Variants in XPC observed in about 807,000 individuals in gnomAD.
XPC encodes DNA repair protein complementing XP-C cells.
XPC carries 76 observed loss-of-function variants against 95.8 expected under a neutral mutation model. The ratio of observed to expected loss-of-function variants is 0.79; its 90% CI spans 0.66 to 0.96. XPC has a LOEUF of 0.96. Ranked by LOEUF, XPC falls within the 40% of genes least tolerant of loss-of-function variation. XPC has a pLI of 0.00. For missense variants in XPC, 1,146 were observed against 1,179.8 expected (o/e 0.97, Z 0.42); for synonymous variants, 442 against 442.1 (o/e 1.00, Z 0.00).
intron 1 of XPC, among the ~76,000 whole-genome samples, chr3:14,175,216 C>G (rs1471333945): frequency 6.6e-6 from 1 of 152,120 alleles, no homozygotes; most frequent in African/African-American, 2.4e-5. Context: ...ACTCTTTTCC[C>G]CAGAACTTCC....
In XPC at chr3:14,159,944, G is replaced by C. The variant is rs1696103350; in HGVS notation, c.901-114C>G. 2.8e-6 allele frequency: 3 copies of C among 1,063,436 alleles called. No individual in the cohort carries two copies. In the Admixed American group the frequency reaches 6.5e-5, roughly 23 times the overall value. The allele number at this position is 1,063,436 out of a possible 1,614,324, so 65.9% of individuals were successfully genotyped here. ...GACAGGGAAAAGCTGGAAACAGCCA[G>C]ACTGTCTAACAGTAGGCGACGGAAA... On this transcript the variant is annotated intron_variant, in intron 7 of 15. Coordinates refer to ENST00000285021, the MANE Select transcript of XPC (RefSeq NM_004628.5).
Position 14,172,506 on chromosome 3 carries a change from G to A in XPC, c.299+361C>T, listed in dbSNP as rs746182640. Among the ~76,000 whole-genome samples the A allele has an allele frequency of 2.6e-5, 4 of 152,172 alleles. 1 individual carries two copies. Among genetic ancestry groups the A allele is most frequent in the Admixed American group, 1.3e-4 (2 of 15,280 alleles). ...GAATGATGAGAAGCTCAGGTGGGCC[G>A]GAGAAGAGCGTGCTTGAGGACAGTA... is the stretch of plus-strand genomic sequence containing the variant. On this transcript the variant is annotated intron_variant, in intron 2 of 15. Transcript: ENST00000285021.
chr3:14,174,164 T>C (rs2125047507), intron 1 of XPC, among the ~76,000 whole-genome samples: 1 of 152,342 alleles, frequency 6.6e-6, no homozygotes, highest in African/African-American at 2.4e-5. Flanking sequence ...TTTCTTTAAA[T>C]GTTTTATAAA....
At chr3:14,170,363 A>G in intron 3 of XPC, 75 bp downstream of exon 3, 1 of 1,374,984 alleles carries the variant, frequency 7.3e-7, no homozygotes, top group Non-Finnish European at 1.0e-6. Context: ...GCAATTAGTG[A>G]TCTGACTCCA....
chr3:14,158,121 C>G lies in XPC; in HGVS notation c.1762G>C (p.Val588Leu). The G allele has an allele frequency of 6.2e-7, 1 of 1,614,018 alleles. No individual in the cohort carries two copies. The highest frequency in any genetic ancestry group is 8.5e-7 in the Non-Finnish European group (1 of 1,179,902). The change falls in exon 9 of 16, where the codon GTC becomes CTC. Residue 588 changes from valine to leucine, a missense_variant. Coordinates refer to ENST00000285021, the MANE Select transcript of XPC (RefSeq NM_004628.5). This position sits in a 1 kb window ranked among gnomAD's most constrained non-coding sequence, Gnocchi z 5.2. ...CACTTGCGGGTCACTGTCATCCAGA[C>G]TGGGTCGTACCTCTGTGTGACATCT... ...VRDVTQRYDP[V>L]WMTVTRKCRV...
chr3:14,164,828 A>G lies in XPC; in HGVS notation c.885T>C (p.Asp295=), dbSNP rs796070665. Residue 295 remains aspartate (D), a synonymous_variant, in exon 7 of 16, where the codon GAT becomes GAC. Coordinates refer to ENST00000285021, the MANE Select transcript of XPC (RefSeq NM_004628.5). ...GATCACTTACATGGACCAATTCCTC[A>G]TCATCTCGAGCAGAGTAAATAGCAA... is the stretch of plus-strand genomic sequence containing the variant. The part of the protein sequence containing the change: ...RRFAIYSARD[D]EELVHIFLLI... 4 of 1,613,394 alleles carry G rather than the reference A, an allele frequency of 2.5e-6. No individual in the cohort carries two copies. The highest frequency in any genetic ancestry group is 1.7e-5 in the Admixed American group (1 of 59,930).
intron 2 of XPC, 141 bp downstream of exon 2, chr3:14,172,726 C>A (rs1226546454): frequency 1.1e-6 from 1 of 919,362 alleles, no homozygotes; most frequent in Admixed American, 3.3e-5. Flanking sequence ...CAGCTCTTAC[C>A]GGTCTGAGTT....
chr3:14,178,599 A>G lies in XPC; in HGVS notation c.-31T>C. The G allele has an allele frequency of 6.2e-7, 1 of 1,611,648 alleles. No individual in the cohort carries two copies. Among genetic ancestry groups the G allele is most frequent in the Non-Finnish European group, 8.5e-7 (1 of 1,178,930 alleles). On this transcript the variant is annotated 5_prime_UTR_variant, in exon 1 of 16. Transcript: ENST00000285021. Reference sequence around the variant, plus strand: ...TTGTCTGGGCAAATTCCACTTCGCGAGTGACGCACCCGGCCGCGATGCGCT... The same window carrying G: ...TTGTCTGGGCAAATTCCACTTCGCGGGTGACGCACCCGGCCGCGATGCGCT...
intron 11 of XPC, among the ~76,000 whole-genome samples, chr3:14,150,490 T>C (rs182790872): frequency 1.4e-4 from 22 of 152,354 alleles, no homozygotes; most frequent in Non-Finnish European, 2.6e-4. Context: ...ACAGAGGGAC[T>C]CTGAGTTCTG....
At position 14,148,638 on chromosome 3, in the gene XPC, C is replaced by A. The variant is rs370753746; in HGVS notation, c.2344G>T (p.Val782Leu). ...CAGTCGATGTCCAGCTTGCGGGCCA[C>A]GCGGTGTAGATTGGGCAGGTTCAGC... ...VQLNLPNLHRVARKLDIDCVQ... is the reference protein window; with the variant it reads ...VQLNLPNLHRLARKLDIDCVQ... Residue 782 changes from valine (V) to leucine (L), a missense_variant, in exon 13 of 16, where the codon GTG becomes TTG. By Grantham distance (32) the Val-to-Leu change is conservative. Transcript: ENST00000285021. 7.4e-6 allele frequency: 12 copies of A among 1,613,918 alleles called. No individual in the cohort carries two copies. The highest frequency in any genetic ancestry group is 6.8e-6 in the Non-Finnish European group (8 of 1,179,916).
chr3:14,165,709 AAAGT>A (rs1380565141), intron 5 of XPC, 124 bp from the exon 6 acceptor site: 1 of 1,228,424 alleles, frequency 8.1e-7, no homozygotes, highest in Non-Finnish European at 1.1e-6. Context: ...TACATATAAG[AAAGT>A]AAAAACACTA....
At chr3:14,150,301 C>T (rs1185023977) in intron 11 of XPC, among the ~76,000 whole-genome samples, 1 of 152,234 alleles carries the variant, frequency 6.6e-6, no homozygotes, top group Non-Finnish European at 1.5e-5. Flanking sequence ...TGCAGGGGCC[C>T]ACAAGCTTGT....
Position 14,152,367 on chromosome 3 carries a change from T to C in XPC, c.2083A>G (p.Arg695Gly), listed in dbSNP as rs776346943. 1 of 1,613,404 alleles carries C rather than the reference T, an allele frequency of 6.2e-7. No individual in the cohort carries two copies. The highest frequency in any genetic ancestry group is 8.5e-7 in the Non-Finnish European group (1 of 1,179,688). ...GGTACTTCTCCAAGCCTCACCACTC[T>C]TGCTTTCTTCAGCCACGTGTCCCTG... ...HSRDTWLKKA[R>G]VVRLGEVPYK... is the part of the protein sequence containing the mutation. Residue 695 changes from arginine (R) to glycine (G), a missense_variant, in exon 11 of 16, where the codon AGA becomes GGA. By Grantham distance (125) the Arg-to-Gly change is moderately radical. Coordinates refer to ENST00000285021, the MANE Select transcript of XPC (RefSeq NM_004628.5).
At chr3:14,159,709 C>T (rs1696087908) in intron 8 of XPC, 32 bp downstream of exon 8, 3 of 1,534,930 alleles carry the variant, frequency 2.0e-6, no homozygotes, top group Admixed American at 2.0e-5. Context: ...CTGTCAATTG[C>T]TCCTCTTCTC....
At chr3:14,173,938 C>A (rs1169747903) in intron 1 of XPC, among the ~76,000 whole-genome samples, 1 of 151,980 alleles carries the variant, frequency 6.6e-6, no homozygotes, top group African/African-American at 2.4e-5. Flanking sequence ...AAAGGGATTG[C>A]AATATTAACC....
chr3:14,164,217 T>A (rs1696280133), intron 7 of XPC: 2 of 152,292 alleles, frequency 1.3e-5, no homozygotes, highest in Non-Finnish European at 2.9e-5. Flanking sequence ...CTGTATGGAT[T>A]AATAGGAATC....
intron 7 of XPC, among the ~76,000 whole-genome samples, chr3:14,161,747 C>G (rs781482908): frequency 6.6e-6 from 1 of 150,746 alleles, no homozygotes; most frequent in African/African-American, 2.4e-5. Flanking sequence ...CTCTAATTAT[C>G]AGGAACAAAA....
At chr3:14,148,273 G>C (rs532112430) in intron 13 of XPC, 1 of 580,558 alleles carries the variant, frequency 1.7e-6, no homozygotes. Context: ...TAACCAGGCA[G>C]CTGCCGGGGA....
intron 1 of XPC, among the ~76,000 whole-genome samples, chr3:14,177,126 C>T (rs1696853854): frequency 6.6e-6 from 1 of 152,134 alleles, no homozygotes; most frequent in African/African-American, 2.4e-5. Flanking sequence ...TAGCATTTAG[C>T]CCTACCAATC....
Sources: allele counts gnomAD v4.1 joint callset (sites outside exome capture counted in the v4.1 genomes callset), GRCh38; gene constraint gnomAD v4.1.1; non-coding constraint Gnocchi (gnomAD v3.1); transcripts MANE v1.5; gene names NCBI Gene and HGNC (gene_info 2026-07-23, HGNC 2026-07-21).